Variants in WFDC11 observed in about 807,000 individuals in gnomAD.
The protein encoded by WFDC11 is protein WFDC11.
WFDC11 carries 9 observed loss-of-function variants against 9.9 expected under a neutral mutation model. That is an observed-to-expected ratio of 0.91 (90% CI 0.55 to 1.58). WFDC11 has a LOEUF of 1.58. WFDC11 is among the 40% of genes most tolerant of loss of function. The pLI, the probability that WFDC11 is intolerant of heterozygous loss-of-function variation, is 0.00. For missense variants in WFDC11, 106 were observed against 101.7 expected (o/e 1.04, Z -0.18); for synonymous variants, 32 against 33.3 (o/e 0.96, Z 0.13).
At chr20:45,650,688 G>T in intron 2 of WFDC11, 37 bp from the exon 3 acceptor site, 1 of 1,132,084 alleles carries the variant, frequency 8.8e-7, no homozygotes. Context: ...AAAGAGAGGT[G>T]TGAAGCAAGA....
In WFDC11 at chr20:45,669,981, A is replaced by C. The variant is rs150353875; in HGVS notation, c.-134+197T>G. 2.0e-5 allele frequency among the ~76,000 whole-genome samples: 3 copies of C among 152,226 alleles called. No homozygotes were observed. The East Asian group carries it at 5.8e-4, about 29-fold the overall frequency. On this transcript the variant is annotated intron_variant, in intron 1 of 4. Transcript: ENST00000324384. ...AACACAATCAAAAATAACAAAGGGG[A>C]TATTACCACTGACCCCATAAAAATA...
chr20:45,657,971 GATATAA>G (rs1482544305), intron 2 of WFDC11, among the ~76,000 whole-genome samples: 2 of 152,192 alleles, frequency 1.3e-5, no homozygotes, highest in East Asian at 1.9e-4. Flanking sequence ...TATGTGCATA[GATATAA>G]ATATAGATTT....
chr20:45,662,845 C>T (rs1364244575), intron 2 of WFDC11, among the ~76,000 whole-genome samples: 2 of 152,178 alleles, frequency 1.3e-5, no homozygotes, highest in African/African-American at 4.8e-5. Flanking sequence ...AGGATTTTTG[C>T]AGCAATGTTC....
At chr20:45,652,645 A>C (rs1382926281) in intron 2 of WFDC11, among the ~76,000 whole-genome samples, 1 of 152,320 alleles carries the variant, frequency 6.6e-6, no homozygotes, top group South Asian at 2.1e-4. Context: ...CTAAAGGAGG[A>C]AGTTCGAACC....
At position 45,665,872 on chromosome 20, in the gene WFDC11, G is replaced by A. The variant is rs544512363; in HGVS notation, c.-52+1216C>T. 1.0e-3 allele frequency among the ~76,000 whole-genome samples: 157 copies of A among 152,328 alleles called. 2 individuals are homozygous for A. The highest frequency in any genetic ancestry group is 3.5e-3 in the African/African-American group (146 of 41,586). On this transcript the variant is annotated intron_variant, in intron 2 of 4. Coordinates refer to ENST00000324384, the MANE Select transcript of WFDC11 (RefSeq NM_147197.2). The stretch of plus-strand genomic sequence containing the variant: ...AAGTGACTCCCAGTTAGGCTACACA[G>A]GGGTCAGGGACCCACTTGAGGAGGT...
chr20:45,658,707 G>C (rs557874289), intron 2 of WFDC11, among the ~76,000 whole-genome samples: 1 of 151,278 alleles, frequency 6.6e-6, no homozygotes, highest in Non-Finnish European at 1.5e-5. Context: ...ATTTAATTCT[G>C]CTCTGATCTT....
intron 1 of WFDC11, among the ~76,000 whole-genome samples, chr20:45,668,492 A>AG (rs1983232013): frequency 6.6e-6 from 1 of 152,166 alleles, no homozygotes; most frequent in Non-Finnish European, 1.5e-5. Flanking sequence ...GGAAAAAAAA[A>AG]AGAAAAAGAT....
chr20:45,665,842 C>A (rs1406084120), intron 2 of WFDC11, among the ~76,000 whole-genome samples: 1 of 152,158 alleles, frequency 6.6e-6, no homozygotes, highest in African/African-American at 2.4e-5. Flanking sequence ...TCGGCCCCTA[C>A]TGGGAAGTGA....
rs184406551 is a variant in WFDC11 at position 45,656,876 on chromosome 20, C to T, written c.-51-6225G>A. On this transcript the variant is annotated intron_variant, in intron 2 of 4. Coordinates refer to ENST00000324384, the MANE Select transcript of WFDC11 (RefSeq NM_147197.2). ...ATCAGAGAAATGCAAGTCAAAACCA[C>T]AATGGGATACCATCTCACACCAGTT... Among the ~76,000 whole-genome samples, 437 of 152,332 alleles carry T rather than the reference C, an allele frequency of 2.9e-3. 1 individual carries two copies. The highest frequency in any genetic ancestry group is 3.0e-3 in the Non-Finnish European group (207 of 68,024).
At chr20:45,650,861 G>A (rs1982791165) in intron 2 of WFDC11, among the ~76,000 whole-genome samples, 1 of 152,118 alleles carries the variant, frequency 6.6e-6, no homozygotes, top group African/African-American at 2.4e-5. Context: ...AAAATATAAT[G>A]TGTTGCCTTA....
chr20:45,664,707 T>C (rs1428351622), intron 2 of WFDC11, among the ~76,000 whole-genome samples: 1 of 151,690 alleles, frequency 6.6e-6, no homozygotes, highest in East Asian at 1.9e-4. Context: ...AGATTCTGGA[T>C]TGAAAATTCT....
chr20:45,654,474 G>C (rs539436774), intron 2 of WFDC11, among the ~76,000 whole-genome samples: 4 of 152,078 alleles, frequency 2.6e-5, no homozygotes, highest in South Asian at 4.1e-4. Context: ...CCACAAGAGA[G>C]AGCAGGAAAG....
chr20:45,650,752 C>A (rs867604104), intron 2 of WFDC11, 101 bp from the exon 3 acceptor site: 181 of 630,290 alleles, frequency 2.9e-4, no homozygotes, highest in Admixed American at 1.2e-3. Flanking sequence ...TCCCCCTAGG[C>A]CTCTGCCTAC....
chr20:45,655,189 T>C (rs1205492510), intron 2 of WFDC11, among the ~76,000 whole-genome samples: 2 of 152,178 alleles, frequency 1.3e-5, no homozygotes, highest in African/African-American at 4.8e-5. Context: ...CTCAATAAAA[T>C]ACTGGCAAAC....
intron 1 of WFDC11, among the ~76,000 whole-genome samples, 184 bp downstream of exon 1, chr20:45,669,994 C>A (rs1409867501): frequency 6.6e-6 from 1 of 151,972 alleles, no homozygotes; most frequent in African/African-American, 2.4e-5. Context: ...TTACCACTGA[C>A]CCCATAAAAA....
intron 2 of WFDC11, among the ~76,000 whole-genome samples, chr20:45,666,843 G>A (rs1983197760): frequency 6.6e-6 from 1 of 152,200 alleles, no homozygotes. Context: ...AATGGGAATA[G>A]CATGTAGATG....
In WFDC11 at chr20:45,650,247, T is replaced by TATATATAG. The variant is rs536980234; in HGVS notation, c.100+253_100+254insCTATATAT. ...ACACACACATGTGTTTGTATATATA[T>TATATATAG]AGAGAGAGAGAGAGAGAGACAGAGA... On this transcript the variant is annotated intron_variant, in intron 3 of 4. Coordinates refer to ENST00000324384, the MANE Select transcript of WFDC11 (RefSeq NM_147197.2). Among the ~76,000 whole-genome samples the TATATATAG allele has an allele frequency of 6.7e-3, 1,004 of 148,914 alleles. 10 individuals carry two copies. The highest frequency in any genetic ancestry group is 0.024 in the African/African-American group (956 of 40,456).
At chr20:45,661,617 G>C (rs937791555) in intron 2 of WFDC11, among the ~76,000 whole-genome samples, 1 of 152,174 alleles carries the variant, frequency 6.6e-6, no homozygotes, top group East Asian at 1.9e-4. Context: ...AAGGGATCCA[G>C]TTTCAGCTTT....
chr20:45,661,887 T>A (rs1041293750), intron 2 of WFDC11, among the ~76,000 whole-genome samples: 5 of 152,150 alleles, frequency 3.3e-5, no homozygotes, highest in Non-Finnish European at 5.9e-5. Flanking sequence ...CTTAGGATTG[T>A]CTTGGTGATG....
Sources: gnomAD v4.1 joint callset for allele counts (sites outside exome capture counted in the v4.1 genomes callset) on GRCh38, gnomAD v4.1.1 for gene constraint, MANE v1.5 for transcripts, NCBI Gene and HGNC (gene_info 2026-07-23, HGNC 2026-07-21) for gene names.